THEMIS: variants seen among roughly 807,000 people sequenced by gnomAD.
The protein encoded by THEMIS is protein THEMIS.
THEMIS carries 37 observed loss-of-function variants against 52.6 expected under a neutral mutation model. That is an observed-to-expected ratio of 0.70 (90% CI 0.54 to 0.93). The LOEUF (loss-of-function observed/expected upper bound fraction) is 0.93, where lower values mean the gene tolerates loss of function less well. Ranked by LOEUF, THEMIS falls within the 40% of genes least tolerant of loss-of-function variation. The pLI, the probability that THEMIS is intolerant of heterozygous loss-of-function variation, is 0.00. For missense variants in THEMIS, 808 were observed against 763.1 expected (o/e 1.06, Z -0.69); for synonymous variants, 292 against 272.7 (o/e 1.07, Z -0.70).
chr6:127,804,904 C>T (rs1026023595), intron 4 of THEMIS, among the ~76,000 whole-genome samples: 4 of 151,962 alleles, frequency 2.6e-5, no homozygotes, highest in African/African-American at 4.8e-5. Context: ...TCTGAATGAG[C>T]GTAATGTCAC....
intron 3 of THEMIS, among the ~76,000 whole-genome samples, chr6:127,824,183 A>G (rs1047315913): frequency 1.3e-5 from 2 of 152,180 alleles, no homozygotes; most frequent in African/African-American, 4.8e-5. Context: ...CCTCTGCAGG[A>G]AACAGTATAT....
At chr6:127,816,056 T>G (rs887679548) in intron 3 of THEMIS, among the ~76,000 whole-genome samples, 6 of 152,204 alleles carry the variant, frequency 3.9e-5, no homozygotes, top group African/African-American at 1.4e-4. Context: ...CTTCTGTGCC[T>G]AAATCCACTG....
downstream of THEMIS, among the ~76,000 whole-genome samples, chr6:127,706,848 C>T (rs544975647): frequency 6.5e-4 from 99 of 152,096 alleles, no homozygotes; most frequent in African/African-American, 2.3e-3. Context: ...ACAGCAAATG[C>T]AAAGGCCTCA....
chr6:127,800,345 C>T, intron 4 of THEMIS, among the ~76,000 whole-genome samples: 1 of 152,178 alleles, frequency 6.6e-6, no homozygotes, highest in East Asian at 1.9e-4. Context: ...GGGCTACCCA[C>T]TCTAGCTTCA....
the THEMIS span, among the ~76,000 whole-genome samples, chr6:127,698,717 C>G: frequency 7.2e-5 from 11 of 151,898 alleles, no homozygotes; most frequent in African/African-American, 2.7e-4. Context: ...TGAAAAGATA[C>G]AACAAAATTC....
intron 1 of THEMIS, among the ~76,000 whole-genome samples, chr6:127,879,828 A>G (rs1227569468): frequency 2.0e-5 from 3 of 151,892 alleles, no homozygotes; most frequent in Non-Finnish European, 1.5e-5. Flanking sequence ...GTCTTCAACT[A>G]TTTACAACCC....
rs1773917657 is a variant in THEMIS, at chr6:127,709,953, T to C, written c.*32A>G. 1 of 1,577,694 alleles carries C rather than the reference T, an allele frequency of 6.3e-7. No individual in the cohort carries two copies. The highest frequency in any genetic ancestry group is 8.6e-7 in the Non-Finnish European group (1 of 1,163,294). On this transcript the variant is annotated 3_prime_UTR_variant, in exon 6 of 6. Coordinates refer to ENST00000368248, the MANE Select transcript of THEMIS (RefSeq NM_001010923.3). ...TTCTTTTTTCACTGCAACATTTATG[T>C]TTGCTGCCTAAGTGGCTTCTGTCAC...
chr6:127,746,757 T>A (rs1458935327), intron 4 of THEMIS, among the ~76,000 whole-genome samples: 10 of 81,586 alleles, frequency 1.2e-4, no homozygotes, highest in Non-Finnish European at 1.9e-4. Context: ...TAATTATATA[T>A]TATTATATAA....
At chr6:127,703,224 T>A (rs902806107), downstream of THEMIS, among the ~76,000 whole-genome samples, 64 of 151,586 alleles carry the variant, frequency 4.2e-4, no homozygotes, top group Admixed American at 1.6e-3. Flanking sequence ...ATTTTTTGTA[T>A]TTTTAGTAGA....
intron 1 of THEMIS, among the ~76,000 whole-genome samples, chr6:127,918,081 T>C (rs1781562838): frequency 6.6e-6 from 1 of 152,178 alleles, no homozygotes; most frequent in South Asian, 2.1e-4. Context: ...TGGAAGTCAT[T>C]CTTCTTTAGC....
In THEMIS at chr6:127,813,145, G is replaced by A; in HGVS notation, c.1496C>T (p.Thr499Met). The change falls in exon 4 of 6, where the codon ACG (threonine) becomes ATG (methionine). Residue 499 changes from threonine to methionine, a missense_variant. Thr to Met is a moderately conservative substitution (Grantham distance 81). Coordinates refer to ENST00000368248, the MANE Select transcript of THEMIS (RefSeq NM_001010923.3). Reference sequence around the variant, plus strand: ...GCCCACAGGAATTTCCCAGCACTCCGTGGGGTTGGCAAAGTCACTTATGAG... The same window carrying A: ...GCCCACAGGAATTTCCCAGCACTCCATGGGGTTGGCAAAGTCACTTATGAG... ...YLLISDFANP[T>M]ECWEIPVGRL... 1.9e-6 allele frequency: 3 copies of A among 1,614,054 alleles called. No individual in the cohort carries two copies. Among genetic ancestry groups the A allele is most frequent in the South Asian group, 1.1e-5 (1 of 91,078 alleles).
Position 127,855,208 on chromosome 6 carries a change from A to G in THEMIS, c.92-20T>C. On this transcript the variant is annotated intron_variant, in intron 1 of 5. Transcript: ENST00000368248. ...TAGAGCCTAAAAGGAAAGAAAAGTT[A>G]AAACAGCTTTTTAAAAAGAAAACAG... 6.4e-7 allele frequency: 1 copy of G among 1,562,968 alleles called. No individual in the cohort carries two copies. The highest frequency in any genetic ancestry group is 8.6e-7 in the Non-Finnish European group (1 of 1,159,420).
Position 127,829,786 on chromosome 6 carries a change from AC to A in THEMIS, c.398del (p.Gly133ValfsTer16). On this transcript the variant is annotated frameshift_variant, in exon 3 of 6. Transcript: ENST00000368248. LOFTEE classifies it high-confidence loss of function. ...IKLENLIIKQGEQIMLNSVEE... is the reference protein window; with the variant it reads ...IKLENLIIKQXEQIMLNSVEE... ...CAACTGAGTTGAGCATGATTTGCTC[AC>A]CCTGCTTTATGATGAGGTTCTCTAG... 4 of 1,614,110 alleles carry A rather than the reference AC, an allele frequency of 2.5e-6. No homozygotes were observed. Among genetic ancestry groups the A allele is most frequent in the Non-Finnish European group, 3.4e-6 (4 of 1,180,014 alleles).
rs190318731 is a variant in THEMIS at position 127,796,694 on chromosome 6, C to T, written c.1758+16189G>A. On this transcript the variant is annotated intron_variant, in intron 4 of 5. Transcript: ENST00000368248. ...ACTGGAGATAATTGCATTGCACATA[C>T]GTACACAGAAACACTAATATGTATA... Among the ~76,000 whole-genome samples the T allele has an allele frequency of 2.6e-5, 4 of 152,236 alleles. No homozygotes were observed. In the East Asian group the frequency reaches 5.8e-4, roughly 22 times the overall value.
intron 4 of THEMIS, among the ~76,000 whole-genome samples, chr6:127,740,956 C>T (rs1251992734): frequency 6.6e-6 from 1 of 152,100 alleles, no homozygotes; most frequent in Non-Finnish European, 1.5e-5. Flanking sequence ...TTCTCTCTTA[C>T]CCTCCATCAT....
At chr6:127,830,035 T>G in intron 2 of THEMIS, 101 bp from the exon 3 acceptor site, 1 of 791,216 alleles carries the variant, frequency 1.3e-6, no homozygotes, top group African/African-American at 1.7e-5. Context: ...CTGCATACAT[T>G]TTTAAAGTGA....
intron 5 of THEMIS, among the ~76,000 whole-genome samples, chr6:127,715,004 T>C (rs2114467796): frequency 1.3e-5 from 2 of 152,032 alleles, no homozygotes; most frequent in South Asian, 4.1e-4. Flanking sequence ...AGGTTGTCAG[T>C]GCTCACACAA....
chr6:127,804,763 A>G lies in THEMIS; in HGVS notation c.1758+8120T>C, dbSNP rs980087858. Among the ~76,000 whole-genome samples the G allele has an allele frequency of 1.1e-4, 17 of 152,256 alleles. 1 individual carries two copies. The highest frequency in any genetic ancestry group is 3.9e-4 in the East Asian group (2 of 5,180). On this transcript the variant is annotated intron_variant, in intron 4 of 5. Coordinates refer to ENST00000368248, the MANE Select transcript of THEMIS (RefSeq NM_001010923.3). ...TAACAATTGAGAAAACACGTCTTACATGACTTTGTGTTTTATCCTATTTCA... is the reference window on the plus strand; with the variant it reads ...TAACAATTGAGAAAACACGTCTTACGTGACTTTGTGTTTTATCCTATTTCA...
At chr6:127,835,656 A>G (rs569501161) in intron 2 of THEMIS, among the ~76,000 whole-genome samples, 2 of 152,170 alleles carry the variant, frequency 1.3e-5, no homozygotes, top group East Asian at 1.9e-4. Flanking sequence ...TTCAATGCCA[A>G]CGAGGACAAA....
Sources: gnomAD v4.1 joint callset for allele counts (sites outside exome capture counted in the v4.1 genomes callset) on GRCh38, gnomAD v4.1.1 for gene constraint, MANE v1.5 for transcripts, NCBI Gene and HGNC (gene_info 2026-07-23, HGNC 2026-07-21) for gene names.